The following CEP63 variants were observed in gnomAD, a reference collection of about 807,000 sequenced individuals.
CEP63 encodes the protein centrosomal protein of 63 kDa.
A neutral mutation model predicts 89.1 loss-of-function variants in CEP63; 84 were observed. That is an observed-to-expected ratio of 0.94 (90% confidence interval 0.79 to 1.13). The LOEUF (loss-of-function observed/expected upper bound fraction) is 1.13, where lower values mean the gene tolerates loss of function less well. Ranked by LOEUF, CEP63 falls within the 50% of genes most tolerant of loss-of-function variation. The pLI, the probability that CEP63 is intolerant of heterozygous loss-of-function variation, is 0.00. For synonymous variants in CEP63, 267 were observed against 272.5 expected (o/e 0.98, Z 0.20); for missense variants, 838 against 813.3 (o/e 1.03, Z -0.37).
At chr3:134,722,002 G>A in the CEP63 span, among the ~76,000 whole-genome samples, 1 of 152,126 alleles carries the variant, frequency 6.6e-6, no homozygotes, top group African/African-American at 2.4e-5. Flanking sequence ...GAGTTGGAAA[G>A]TGTTTCCGTC....
the CEP63 span, among the ~76,000 whole-genome samples, chr3:134,712,709 C>A: frequency 6.6e-6 from 1 of 152,204 alleles, no homozygotes; most frequent in African/African-American, 2.4e-5. Flanking sequence ...GCATTTCTCA[C>A]TGGCTGCGTG....
the CEP63 span, chr3:134,625,275 A>C: frequency 7.0e-6 from 5 of 714,712 alleles, no homozygotes; most frequent in Non-Finnish European, 9.7e-6. Flanking sequence ...TGAGCCTAAG[A>C]GCTATATGGG....
chr3:134,669,922 C>A, the CEP63 span, among the ~76,000 whole-genome samples: 2 of 152,078 alleles, frequency 1.3e-5, no homozygotes, highest in Non-Finnish European at 2.9e-5. Context: ...GGAGATGGAG[C>A]CTTTGGGAAG....
chr3:134,714,291 T>C, the CEP63 span, among the ~76,000 whole-genome samples: 1 of 152,222 alleles, frequency 6.6e-6, no homozygotes, highest in Admixed American at 6.5e-5. Flanking sequence ...GAGGTTGGTG[T>C]CTTTTTTAAA....
chr3:134,513,748 A>G (rs865949905), intron 3 of CEP63, among the ~76,000 whole-genome samples: 17 of 152,306 alleles, frequency 1.1e-4, no homozygotes, highest in African/African-American at 4.1e-4. Flanking sequence ...GGACCAGAAC[A>G]GGCCCTCTTG....
rs1422943206 is a variant in CEP63 at position 134,562,560 on chromosome 3, C to T, written c.*1025C>T. On this transcript the variant is annotated 3_prime_UTR_variant, in exon 15 of 15. Transcript: ENST00000675561. Reference sequence around the variant, plus strand: ...AACCTCAGTTTTTTTTAATGCCTCTCTTTTACTGCTCTGTATGTTTGCTTC... The same window carrying T: ...AACCTCAGTTTTTTTTAATGCCTCTTTTTTACTGCTCTGTATGTTTGCTTC... 1.3e-5 allele frequency: 2 copies of T among 152,052 alleles called. No homozygotes were observed. The highest frequency in any genetic ancestry group is 2.9e-5 in the Non-Finnish European group (2 of 68,032). 9.4% of individuals were successfully genotyped at this position (152,052 alleles called of 1,614,324 possible). A position where few individuals can be genotyped will look rare whatever the true frequency, so the allele number is the denominator to read the frequency against.
At chr3:134,739,518 T>C in the CEP63 span, among the ~76,000 whole-genome samples, 1 of 152,204 alleles carries the variant, frequency 6.6e-6, no homozygotes, top group African/African-American at 2.4e-5. Context: ...TGTGTGTCCA[T>C]CAACAGAAAA....
intron 11 of CEP63, 66 bp downstream of exon 11, chr3:134,550,326 A>G: frequency 7.3e-7 from 1 of 1,375,932 alleles, no homozygotes; most frequent in Non-Finnish European, 1.0e-6. Context: ...GATTAAAGAC[A>G]TAATTTTCAT....
At chr3:134,609,238 T>C in the CEP63 span, among the ~76,000 whole-genome samples, 1 of 152,196 alleles carries the variant, frequency 6.6e-6, no homozygotes, top group Admixed American at 6.5e-5. Flanking sequence ...CCTGTTTCTG[T>C]GCTGTGCAGC....
At chr3:134,499,820 CTTTTTTTTTTT>C (rs747946881) in intron 2 of CEP63, among the ~76,000 whole-genome samples, 2 of 99,128 alleles carry the variant, frequency 2.0e-5, no homozygotes, top group Non-Finnish European at 3.7e-5. Context: ...CCATCTTCAT[CTTTTTTTTTTT>C]TTTTTTTTTT....
At chr3:134,764,602 C>T in the CEP63 span, among the ~76,000 whole-genome samples, 4 of 152,284 alleles carry the variant, frequency 2.6e-5, no homozygotes, top group South Asian at 8.3e-4. Flanking sequence ...CTGGACCCTG[C>T]CGGTGAATTG....
At chr3:134,753,572 C>T in the CEP63 span, among the ~76,000 whole-genome samples, 3 of 152,334 alleles carry the variant, frequency 2.0e-5, no homozygotes, top group South Asian at 2.1e-4. Context: ...CAAGCAAGCA[C>T]CTCATGATTT....
chr3:134,772,281 G>A, the CEP63 span, among the ~76,000 whole-genome samples: 14 of 152,098 alleles, frequency 9.2e-5, no homozygotes, highest in Non-Finnish European at 1.5e-5. Context: ...CCGTGCAGCT[G>A]TGCAGGGCTG....
At chr3:134,568,892 A>C (rs1219849269), downstream of CEP63, among the ~76,000 whole-genome samples, 1 of 152,202 alleles carries the variant, frequency 6.6e-6, no homozygotes, top group Non-Finnish European at 1.5e-5. Context: ...GATTTACAAG[A>C]GAAAGAGGTG....
chr3:134,524,609 A>G (rs1399185994), intron 3 of CEP63, among the ~76,000 whole-genome samples: 1 of 152,140 alleles, frequency 6.6e-6, no homozygotes, highest in East Asian at 1.9e-4. Context: ...GAATTTTATC[A>G]AAAGCCTTTT....
the CEP63 span, among the ~76,000 whole-genome samples, chr3:134,684,699 G>T: frequency 6.6e-6 from 1 of 152,210 alleles, no homozygotes; most frequent in Non-Finnish European, 1.5e-5. Flanking sequence ...TCCCCAGGCA[G>T]ACCTCAGCTG....
chr3:134,771,166 C>T, the CEP63 span, among the ~76,000 whole-genome samples: 98,849 of 152,092 alleles, frequency 0.65, 33,625 homozygotes, highest in East Asian at 0.87. Context: ...TCTCCATCCA[C>T]TTTGCTGGCT....
At chr3:134,676,833 G>A in the CEP63 span, among the ~76,000 whole-genome samples, 1 of 152,168 alleles carries the variant, frequency 6.6e-6, no homozygotes, top group Non-Finnish European at 1.5e-5. Context: ...ACCCCCAGAG[G>A]AACCTAGCCT....
the CEP63 span, among the ~76,000 whole-genome samples, chr3:134,669,533 C>T: frequency 6.6e-6 from 1 of 152,176 alleles, no homozygotes; most frequent in African/African-American, 2.4e-5. Context: ...CAGGCTGCCC[C>T]AGGTACTATC....
Sources: allele counts gnomAD v4.1 joint callset (sites outside exome capture counted in the v4.1 genomes callset), GRCh38; gene constraint gnomAD v4.1.1; transcripts MANE v1.5; gene names NCBI Gene and HGNC (gene_info 2026-07-23, HGNC 2026-07-21).